The following RALYL variants were observed in gnomAD, a reference collection of about 807,000 sequenced individuals.
The protein encoded by RALYL is RNA-binding Raly-like protein.
RALYL carries 29 observed loss-of-function variants against 35.1 expected under a neutral mutation model. The observed-to-expected ratio is 0.83, with a 90% CI of 0.61 to 1.13. The LOEUF is 1.13. RALYL is among the 50% of genes most tolerant of loss of function. The probability of loss-of-function intolerance (pLI) is 0.00; values close to 1 mark genes in which losing one functional copy is unlikely to be tolerated. For synonymous variants in RALYL, 120 were observed against 127.6 expected, an observed-to-expected ratio of 0.94 and a Z score of 0.40; for missense variants, 359 against 360.4, an observed-to-expected ratio of 1.00 and a Z score of 0.03.
intron 2 of RALYL, among the ~76,000 whole-genome samples, chr8:84,655,752 T>C (rs1229767645): frequency 6.6e-6 from 1 of 152,146 alleles, no homozygotes; most frequent in Non-Finnish European, 1.5e-5. Flanking sequence ...CTGAAATATA[T>C]ACCACAGTGT....
At chr8:84,891,872 T>G (rs1402630332) in intron 8 of RALYL, among the ~76,000 whole-genome samples, 1 of 152,164 alleles carries the variant, frequency 6.6e-6, no homozygotes, top group Non-Finnish European at 1.5e-5. Flanking sequence ...AAGGGCATCA[T>G]AGATTTGAAC....
At chr8:84,524,356 A>G (rs1457024502) in intron 1 of RALYL, among the ~76,000 whole-genome samples, 1 of 152,232 alleles carries the variant, frequency 6.6e-6, no homozygotes, top group East Asian at 1.9e-4. Flanking sequence ...AAAAATGCTC[A>G]TCATCCCTGG....
chr8:84,769,511 A>G (rs1388542707), intron 2 of RALYL, among the ~76,000 whole-genome samples: 1 of 152,176 alleles, frequency 6.6e-6, no homozygotes, highest in African/African-American at 2.4e-5. Context: ...CTGTAATCCT[A>G]GCACTGTGGG....
intron 1 of RALYL, among the ~76,000 whole-genome samples, chr8:84,444,086 T>C (rs1427748709): frequency 6.6e-6 from 1 of 152,138 alleles, no homozygotes; most frequent in Admixed American, 6.5e-5. Flanking sequence ...GTCAGCACTT[T>C]GGGATGTCAA....
chr8:84,209,125 C>CA (rs60246316), intron 1 of RALYL, among the ~76,000 whole-genome samples: 7,290 of 97,492 alleles, frequency 0.075, 212 homozygotes, highest in Admixed American at 0.1. Context: ...ACTCCTCCAC[C>CA]AAAAAAAAAA....
chr8:84,544,833 A>G (rs952671775), intron 2 of RALYL, among the ~76,000 whole-genome samples: 2 of 152,102 alleles, frequency 1.3e-5, no homozygotes, highest in African/African-American at 4.8e-5. Context: ...TTTACAACAC[A>G]AAATATATTT....
intron 2 of RALYL, among the ~76,000 whole-genome samples, chr8:84,557,333 T>C (rs1450393460): frequency 1.3e-5 from 2 of 152,184 alleles, no homozygotes; most frequent in African/African-American, 4.8e-5. Context: ...CATATGTTTG[T>C]CAAAGTAATT....
chr8:84,630,533 C>G (rs1334806519), intron 2 of RALYL, among the ~76,000 whole-genome samples: 1 of 152,032 alleles, frequency 6.6e-6, no homozygotes, highest in Non-Finnish European at 1.5e-5. Flanking sequence ...AGTTTCTCCG[C>G]TGCTTCCATG....
At chr8:84,859,799 C>G (rs957020449) in intron 5 of RALYL, among the ~76,000 whole-genome samples, 15 of 151,998 alleles carry the variant, frequency 9.9e-5, no homozygotes, top group African/African-American at 3.6e-4. Flanking sequence ...GCAGTGAGGT[C>G]ACACCACTGG....
chr8:84,874,066 A>G (rs1840686224), intron 7 of RALYL, among the ~76,000 whole-genome samples: 1 of 152,160 alleles, frequency 6.6e-6, no homozygotes. Context: ...GAAGTAGGCC[A>G]CAGTTTGAAA....
intron 1 of RALYL, among the ~76,000 whole-genome samples, chr8:84,309,876 C>T (rs1842445731): frequency 6.6e-6 from 1 of 152,120 alleles, no homozygotes; most frequent in Non-Finnish European, 1.5e-5. Context: ...CAACCCCCGC[C>T]ACCACGACCG....
chr8:84,623,225 C>T (rs1821956516), intron 2 of RALYL, among the ~76,000 whole-genome samples: 1 of 152,030 alleles, frequency 6.6e-6, no homozygotes, highest in Admixed American at 6.6e-5. Context: ...GTTCAGTGGG[C>T]ACAAGTTTTT....
At chr8:84,415,252 T>G (rs1162879634) in intron 1 of RALYL, among the ~76,000 whole-genome samples, 2 of 151,696 alleles carry the variant, frequency 1.3e-5, no homozygotes, top group Non-Finnish European at 2.9e-5. Flanking sequence ...GTTTTGTTTT[T>G]TTGATGGAGG....
intron 2 of RALYL, among the ~76,000 whole-genome samples, chr8:84,730,734 A>T (rs921438441): frequency 1.2e-4 from 18 of 152,022 alleles, no homozygotes; most frequent in Non-Finnish European, 2.2e-4. Context: ...GACATAACAA[A>T]ACTCGTAATT....
chr8:84,582,025 C>T (rs1265886898), intron 2 of RALYL, among the ~76,000 whole-genome samples: 1 of 152,044 alleles, frequency 6.6e-6, no homozygotes, highest in African/African-American at 2.4e-5. Flanking sequence ...CAATAATAAT[C>T]ATTGGGTGTC....
intron 1 of RALYL, among the ~76,000 whole-genome samples, chr8:84,374,337 G>T (rs1262560280): frequency 6.6e-6 from 1 of 151,940 alleles, no homozygotes; most frequent in Admixed American, 6.6e-5. Context: ...GATATTGTCT[G>T]TGAGTTTGTC....
intron 2 of RALYL, among the ~76,000 whole-genome samples, chr8:84,676,499 A>G (rs149073244): frequency 1.3e-5 from 2 of 152,314 alleles, no homozygotes; most frequent in Non-Finnish European, 2.9e-5. Context: ...CCCAGTTAGC[A>G]TTTAGTTATG....
intron 2 of RALYL, among the ~76,000 whole-genome samples, chr8:84,643,869 G>A (rs1438033560): frequency 1.3e-5 from 2 of 151,996 alleles, no homozygotes; most frequent in African/African-American, 4.8e-5. Context: ...TGTATATCTT[G>A]TCCCAGTGGC....
intron 2 of RALYL, among the ~76,000 whole-genome samples, chr8:84,556,863 C>T (rs1382673375): frequency 2.0e-5 from 3 of 152,174 alleles, no homozygotes; most frequent in African/African-American, 7.2e-5. Context: ...ACCACACCGA[C>T]CAAAGCCTGA....
Sources: gnomAD v4.1 joint callset for allele counts (sites outside exome capture counted in the v4.1 genomes callset) on GRCh38, gnomAD v4.1.1 for gene constraint, MANE v1.5 for transcripts, NCBI Gene and HGNC (gene_info 2026-07-23, HGNC 2026-07-21) for gene names.